PCDH9: variants seen among roughly 807,000 people sequenced by gnomAD.
PCDH9 encodes protocadherin-9.
Under a neutral mutation model 70.6 loss-of-function variants are expected in PCDH9, and 24 were observed. The ratio of observed to expected loss-of-function variants is 0.34; its 90% CI spans 0.25 to 0.48. The LOEUF (loss-of-function observed/expected upper bound fraction) is 0.48, where lower values mean the gene tolerates loss of function less well. Among genes scored for constraint, PCDH9 ranks in the 20% least tolerant of loss-of-function variants. The pLI is 0.99. For missense variants in PCDH9, 1,281 were observed against 1,503.6 expected (o/e 0.85, Z 2.45); for synonymous variants, 562 against 558.5 (o/e 1.01, Z -0.09).
chr13:66,470,412 A>G (rs1958594968), intron 4 of PCDH9, among the ~76,000 whole-genome samples: 1 of 152,176 alleles, frequency 6.6e-6, no homozygotes, highest in Admixed American at 6.5e-5. Context: ...TGTAAGATGC[A>G]TTAACTCAAT....
At chr13:66,748,808 C>T (rs1178882126) in intron 3 of PCDH9, among the ~76,000 whole-genome samples, 1 of 152,118 alleles carries the variant, frequency 6.6e-6, no homozygotes, top group Non-Finnish European at 1.5e-5. Flanking sequence ...GCACAAAGAG[C>T]TTCAACATCT....
At chr13:66,417,018 C>T (rs1017195876) in intron 4 of PCDH9, among the ~76,000 whole-genome samples, 14 of 151,958 alleles carry the variant, frequency 9.2e-5, no homozygotes, top group South Asian at 2.1e-4. Context: ...AAGTGGGTGA[C>T]GATGATAAAT....
At chr13:66,336,830 C>T (rs1956045895) in intron 4 of PCDH9, among the ~76,000 whole-genome samples, 1 of 151,984 alleles carries the variant, frequency 6.6e-6, no homozygotes, top group African/African-American at 2.4e-5. Flanking sequence ...GCATCTTCCT[C>T]CTAATTCCAA....
chr13:67,028,577 A>C (rs1037376591), intron 2 of PCDH9, among the ~76,000 whole-genome samples: 3 of 141,694 alleles, frequency 2.1e-5, no homozygotes, highest in Non-Finnish European at 3.2e-5. Context: ...ATAATAATAA[A>C]ATAAAAATAA....
At chr13:67,002,521 CAAG>C (rs1322980122) in intron 2 of PCDH9, among the ~76,000 whole-genome samples, 6 of 151,420 alleles carry the variant, frequency 4.0e-5, no homozygotes, top group Middle Eastern at 4.2e-3. Flanking sequence ...TACAATTAAT[CAAG>C]AGTCTAAGAA....
intron 3 of PCDH9, among the ~76,000 whole-genome samples, chr13:66,775,699 C>G (rs78680164): frequency 6.6e-6 from 1 of 152,132 alleles, no homozygotes; most frequent in African/African-American, 2.4e-5. Context: ...ATACATATAA[C>G]GTACACAATA....
intron 2 of PCDH9, among the ~76,000 whole-genome samples, chr13:66,929,743 A>G (rs1028969006): frequency 2.6e-5 from 4 of 152,218 alleles, no homozygotes; most frequent in Non-Finnish European, 4.4e-5. Flanking sequence ...ACTGCATTGC[A>G]TATTTTAAAA....
intron 3 of PCDH9, among the ~76,000 whole-genome samples, chr13:66,843,794 T>C (rs2081156879): frequency 6.6e-6 from 1 of 152,228 alleles, no homozygotes; most frequent in African/African-American, 2.4e-5. Flanking sequence ...GGAATGAGGT[T>C]AAGAGATGGT....
intron 2 of PCDH9, among the ~76,000 whole-genome samples, chr13:67,150,630 C>T (rs1338616017): frequency 1.3e-5 from 2 of 152,176 alleles, no homozygotes; most frequent in Non-Finnish European, 2.9e-5. Context: ...ACATCCAAAA[C>T]ATGTGCCAAT....
At chr13:67,107,189 A>G (rs1375333518) in intron 2 of PCDH9, among the ~76,000 whole-genome samples, 96 of 125,710 alleles carry the variant, frequency 7.6e-4, no homozygotes, top group Middle Eastern at 0.01. Flanking sequence ...CTTTTCATGG[A>G]TCTGCCCATG....
intron 3 of PCDH9, among the ~76,000 whole-genome samples, chr13:66,741,871 T>C (rs1248610290): frequency 4.2e-5 from 6 of 144,542 alleles, no homozygotes; most frequent in East Asian, 2.1e-4. Flanking sequence ...GAACATTCCA[T>C]GCTCATGGGT....
intron 3 of PCDH9, among the ~76,000 whole-genome samples, chr13:66,680,600 G>A (rs2078305856): frequency 6.6e-6 from 1 of 151,496 alleles, no homozygotes; most frequent in Non-Finnish European, 1.5e-5. Context: ...TTATCCATAG[G>A]TTGCTGCTAT....
At chr13:66,449,299 C>T (rs1329458577) in intron 4 of PCDH9, among the ~76,000 whole-genome samples, 2 of 152,114 alleles carry the variant, frequency 1.3e-5, no homozygotes, top group Non-Finnish European at 2.9e-5. Flanking sequence ...ATTAAATGTG[C>T]CATGCAATGA....
At chr13:66,308,781 C>T (rs929683016) in intron 4 of PCDH9, among the ~76,000 whole-genome samples, 2 of 151,510 alleles carry the variant, frequency 1.3e-5, no homozygotes, top group Non-Finnish European at 2.9e-5. Context: ...GCTTTGTGAC[C>T]CAGAAGTGTG....
intron 3 of PCDH9, among the ~76,000 whole-genome samples, chr13:66,826,927 C>T (rs1244693818): frequency 6.6e-6 from 1 of 152,188 alleles, no homozygotes. Flanking sequence ...AATGACTCCT[C>T]ATCCCTACAA....
intron 2 of PCDH9, among the ~76,000 whole-genome samples, chr13:67,085,873 C>G (rs1566414853): frequency 6.6e-6 from 1 of 152,104 alleles, no homozygotes; most frequent in Non-Finnish European, 1.5e-5. Context: ...TCCCTATAGC[C>G]TCATTATTTA....
chr13:66,942,645 G>T (rs946291653), intron 2 of PCDH9, among the ~76,000 whole-genome samples: 9 of 151,980 alleles, frequency 5.9e-5, no homozygotes, highest in South Asian at 4.1e-4. Context: ...AAATATAAGT[G>T]TCCAAGGCCC....
At chr13:67,220,122 G>A (rs1355562974) in intron 2 of PCDH9, 6 of 151,338 alleles carry the variant, frequency 4.0e-5, no homozygotes, top group African/African-American at 1.5e-4. Flanking sequence ...GCATTTGGTG[G>A]ATTTCTGAAT....
intron 3 of PCDH9, among the ~76,000 whole-genome samples, chr13:66,706,621 A>C (rs1199741934): frequency 6.6e-6 from 1 of 152,232 alleles, no homozygotes; most frequent in Non-Finnish European, 1.5e-5. Flanking sequence ...ACAAATGCCA[A>C]GTGACAAATG....
Sources: gnomAD v4.1 joint callset for allele counts (sites outside exome capture counted in the v4.1 genomes callset) on GRCh38, gnomAD v4.1.1 for gene constraint, MANE v1.5 for transcripts, NCBI Gene and HGNC (gene_info 2026-07-23, HGNC 2026-07-21) for gene names.